KIAA0232: variants seen among roughly 807,000 people sequenced by gnomAD.
KIAA0232 encodes the protein uncharacterized protein KIAA0232.
KIAA0232 carries 27 observed loss-of-function variants against 122.0 expected under a neutral mutation model. The observed-to-expected ratio is 0.22, with a 90% CI of 0.16 to 0.31. KIAA0232 has a LOEUF of 0.31. Among genes scored for constraint, KIAA0232 ranks in the 10% least tolerant of loss-of-function variants. The pLI, the probability that KIAA0232 is intolerant of heterozygous loss-of-function variation, is 1.00. For missense variants in KIAA0232, 1,551 were observed against 1,634.2 expected, an observed-to-expected ratio of 0.95 and a Z score of 0.88; for synonymous variants, 613 against 587.6, an observed-to-expected ratio of 1.04 and a Z score of -0.63.
chr4:6,852,341 C>A (rs139127123), intron 4 of KIAA0232, among the ~76,000 whole-genome samples: 2 of 152,126 alleles, frequency 1.3e-5, no homozygotes, highest in African/African-American at 4.8e-5. Flanking sequence ...TATTCTCAGT[C>A]TTCTCAGTTG....
At chr4:6,790,362 T>G (rs1199494820) in intron 1 of KIAA0232, among the ~76,000 whole-genome samples, 1 of 150,782 alleles carries the variant, frequency 6.6e-6, no homozygotes, top group Admixed American at 6.6e-5. Flanking sequence ...CCTTTTTTTA[T>G]TTAATTTTTT....
intron 7 of KIAA0232, among the ~76,000 whole-genome samples, chr4:6,865,418 G>T (rs890316599): frequency 6.6e-6 from 1 of 152,200 alleles, no homozygotes; most frequent in African/African-American, 2.4e-5. Flanking sequence ...TCCTGCCTCA[G>T]CCTCCCAAGT....
chr4:6,843,097 C>A (rs540283670), intron 4 of KIAA0232, among the ~76,000 whole-genome samples: 5 of 152,068 alleles, frequency 3.3e-5, no homozygotes, highest in African/African-American at 1.2e-4. Context: ...TAAAATATTT[C>A]TCATGTCTTT....
intron 2 of KIAA0232, among the ~76,000 whole-genome samples, chr4:6,819,735 C>G (rs990625153): frequency 2.6e-5 from 4 of 152,144 alleles, no homozygotes; most frequent in Non-Finnish European, 5.9e-5. Flanking sequence ...TTTGACCCAG[C>G]AATCCCATTA....
intron 3 of KIAA0232, among the ~76,000 whole-genome samples, chr4:6,834,513 A>G (rs1384503530): frequency 1.3e-5 from 2 of 152,346 alleles, no homozygotes; most frequent in Non-Finnish European, 1.5e-5. Context: ...GGCAAAGATA[A>G]GCTGCTGATA....
Position 6,824,628 on chromosome 4 carries a change from C to T in KIAA0232, c.175C>T (p.Arg59Trp), listed in dbSNP as rs373869576. ...TGGCATTGATGCCATGATTTACACTCGGTATGTCCTCAGTCTTCTGCTGCA... is the reference window on the plus strand; with the variant it reads ...TGGCATTGATGCCATGATTTACACTTGGTATGTCCTCAGTCTTCTGCTGCA... ...KCGIDAMIYT[R>W]YVLSLLLHDS... The change falls in exon 3 of 10, where the codon CGG becomes TGG. Residue 59 changes from arginine (R) to tryptophan (W), a missense_variant. By Grantham distance (101) the Arg-to-Trp change is moderately radical. Transcript: ENST00000307659. 1 of 1,614,194 alleles carries T rather than the reference C, an allele frequency of 6.2e-7. No homozygotes were observed. Among genetic ancestry groups the T allele is most frequent in the Non-Finnish European group, 8.5e-7 (1 of 1,180,032 alleles).
chr4:6,792,697 T>TTG (rs1553826880), intron 1 of KIAA0232, among the ~76,000 whole-genome samples: 353 of 142,602 alleles, frequency 2.5e-3, no homozygotes, highest in South Asian at 0.011. Context: ...TTTTTTTTGT[T>TTG]TTTTTTTTTT....
chr4:6,798,742 G>A (rs539060407), intron 1 of KIAA0232, among the ~76,000 whole-genome samples: 1 of 152,184 alleles, frequency 6.6e-6, no homozygotes, highest in African/African-American at 2.4e-5. Flanking sequence ...TGTAGAAATG[G>A]AGCCTCCCTG....
intron 1 of KIAA0232, among the ~76,000 whole-genome samples, chr4:6,791,315 CTTTTTTTTTTTTTTTT>C (rs10716163): frequency 8.5e-5 from 7 of 82,672 alleles, no homozygotes; most frequent in Admixed American, 1.5e-4. Flanking sequence ...GTCATAAAGC[CTTTTTTTTTTTTTTTT>C]TTTTTTTTTT....
rs114434853 is a variant in KIAA0232, at chr4:6,792,051, G to A, written c.-354+9210G>A. On this transcript the variant is annotated intron_variant, in intron 1 of 9. Transcript: ENST00000307659. ...GTAAGAGGTGACTTTGCTCCTCCTT[G>A]CCTTCTGCCATGATTGTGAGGCCTC... Among the ~76,000 whole-genome samples the A allele has an allele frequency of 3.1e-3, 479 of 152,236 alleles. 1 individual carries two copies. Among genetic ancestry groups the A allele is most frequent in the South Asian group, 7.1e-3 (34 of 4,820 alleles).
chr4:6,846,195 A>G (rs1719957599), intron 4 of KIAA0232, among the ~76,000 whole-genome samples: 1 of 152,220 alleles, frequency 6.6e-6, no homozygotes. Flanking sequence ...TGTGCCAGGC[A>G]TAACCAGATG....
Position 6,827,592 on chromosome 4 carries a change from C to T in KIAA0232, c.231+2908C>T, listed in dbSNP as rs536286289. ...TAGCCATGAGCGGCCAGTTTGAAGACCCATCACTTTTCTGTTTTAGGCTAA... is the reference window on the plus strand; with the variant it reads ...TAGCCATGAGCGGCCAGTTTGAAGATCCATCACTTTTCTGTTTTAGGCTAA... On this transcript the variant is annotated intron_variant, in intron 3 of 9. Coordinates refer to ENST00000307659, the MANE Select transcript of KIAA0232 (RefSeq NM_014743.3). Among the ~76,000 whole-genome samples, 6 of 152,334 alleles carry T rather than the reference C, an allele frequency of 3.9e-5. No individual in the cohort carries two copies. The South Asian group carries it at 8.3e-4, about 21-fold the overall frequency.
At chr4:6,798,955 T>A (rs1188975537) in intron 1 of KIAA0232, among the ~76,000 whole-genome samples, 1 of 152,182 alleles carries the variant, frequency 6.6e-6, no homozygotes, top group African/African-American at 2.4e-5. Flanking sequence ...CTAGGGATGC[T>A]ACAACAAAGT....
At chr4:6,845,892 T>C (rs1719935654) in intron 4 of KIAA0232, among the ~76,000 whole-genome samples, 1 of 152,204 alleles carries the variant, frequency 6.6e-6, no homozygotes, top group South Asian at 2.1e-4. Context: ...TAATTCATGC[T>C]AGCCGAGTAT....
chr4:6,866,331 A>AG, intron 7 of KIAA0232: 1 of 559,800 alleles, frequency 1.8e-6, no homozygotes, highest in Non-Finnish European at 2.3e-6. Context: ...TGCCAAAAAA[A>AG]TTCCCAGAGG....
chr4:6,877,697 T>C (rs1721830412), intron 9 of KIAA0232, among the ~76,000 whole-genome samples: 1 of 152,150 alleles, frequency 6.6e-6, no homozygotes, highest in Admixed American at 6.5e-5. Context: ...CACATTTTTC[T>C]GCCTGCTTTA....
intron 2 of KIAA0232, among the ~76,000 whole-genome samples, chr4:6,812,300 G>A (rs1052293882): frequency 6.6e-6 from 1 of 152,118 alleles, no homozygotes; most frequent in Non-Finnish European, 1.5e-5. Context: ...GGCTCCATGA[G>A]GCTGTTGAGC....
chr4:6,848,056 G>C (rs1720064030), intron 4 of KIAA0232, among the ~76,000 whole-genome samples: 1 of 152,136 alleles, frequency 6.6e-6, no homozygotes. Flanking sequence ...TAGTTTTGAA[G>C]GTAACAGCAC....
intron 1 of KIAA0232, among the ~76,000 whole-genome samples, chr4:6,800,586 C>G (rs187887315): frequency 1.2e-4 from 18 of 151,534 alleles, no homozygotes; most frequent in Admixed American, 1.2e-3. Context: ...GAGGCTGATG[C>G]AGGAGAATCA....
Sources: allele counts gnomAD v4.1 joint callset (sites outside exome capture counted in the v4.1 genomes callset), GRCh38; gene constraint gnomAD v4.1.1; transcripts MANE v1.5; gene names NCBI Gene and HGNC (gene_info 2026-07-23, HGNC 2026-07-21).